STN1: variants seen among roughly 807,000 people sequenced by gnomAD.
The protein encoded by STN1 is CST complex subunit STN1.
A neutral mutation model predicts 45.5 loss-of-function variants in STN1; 29 were observed. The ratio of observed to expected loss-of-function variants is 0.64; its 90% CI spans 0.47 to 0.87. The LOEUF (loss-of-function observed/expected upper bound fraction) is 0.87, where lower values mean the gene tolerates loss of function less well. Among genes scored for constraint, STN1 ranks in the 40% least tolerant of loss-of-function variants. The probability of loss-of-function intolerance (pLI) is 0.00; values close to 1 mark genes in which losing one functional copy is unlikely to be tolerated. For synonymous variants in STN1, 148 were observed against 159.0 expected (o/e 0.93, Z 0.52); for missense variants, 376 against 441.4 (o/e 0.85, Z 1.33).
chr10:103,907,588 G>A (rs576353294), intron 3 of STN1, among the ~76,000 whole-genome samples: 2 of 152,310 alleles, frequency 1.3e-5, no homozygotes, highest in African/African-American at 4.8e-5. Context: ...TGTTTAGAAT[G>A]AGGAAGGATG....
chr10:103,911,773 A>G (rs1843292416), intron 2 of STN1, among the ~76,000 whole-genome samples: 3 of 152,234 alleles, frequency 2.0e-5, no homozygotes, highest in African/African-American at 4.8e-5. Context: ...CACAGCTTCT[A>G]TTCTGTCCAT....
rs1564636057 is a variant in STN1, at chr10:103,914,333, T to TAC, written c.133+3127_133+3128dup. Among the ~76,000 whole-genome samples, 25 of 8,566 alleles carry TAC rather than the reference T, an allele frequency of 2.9e-3. 1 individual carries two copies. Among genetic ancestry groups the TAC allele is most frequent in the East Asian group, 0.038 (1 of 26 alleles). The allele number at this position is 8,566 out of a possible 152,430, so 5.6% of individuals were successfully genotyped here. On this transcript the variant is annotated intron_variant, in intron 2 of 9. Transcript: ENST00000224950. Reference sequence around the variant, plus strand: ...GTATGTTATGAGCTATTATTAAAAATACATATATATATATATATATATATA... The same window carrying TAC: ...GTATGTTATGAGCTATTATTAAAAATACACATATATATATATATATATATATA...
At chr10:103,917,425 T>G in intron 2 of STN1, 37 bp downstream of exon 2, 1 of 1,595,338 alleles carries the variant, frequency 6.3e-7, no homozygotes, top group Non-Finnish European at 8.5e-7. Context: ...GGGTGGCAGA[T>G]GCAGCCCAGG....
At chr10:103,886,205 T>C (rs1845666294) in intron 9 of STN1, among the ~76,000 whole-genome samples, 1 of 152,186 alleles carries the variant, frequency 6.6e-6, no homozygotes, top group Admixed American at 6.5e-5. Context: ...TGGGAGATTT[T>C]TGAAAAGCTA....
At position 103,882,861 on chromosome 10, in the gene STN1, G is replaced by T; in HGVS notation, c.950-20C>A. 1 of 1,601,462 alleles carries T rather than the reference G, an allele frequency of 6.2e-7. No homozygotes were observed. Among genetic ancestry groups the T allele is most frequent in the Non-Finnish European group, 8.5e-7 (1 of 1,172,602 alleles). ...CCATGTCTGCAGGAAAAAGGTAGGT[G>T]GCTGAGTGTGGACACAACTGTCAGG... On this transcript the variant is annotated intron_variant, in intron 9 of 9. Transcript: ENST00000224950.
Position 103,910,604 on chromosome 10 carries a change from C to A in STN1, c.152G>T (p.Gly51Val), listed in dbSNP as rs1275353721. 1 of 1,605,442 alleles carries A rather than the reference C, an allele frequency of 6.2e-7. No individual in the cohort carries two copies. Among genetic ancestry groups the A allele is most frequent in the East Asian group, 2.2e-5 (1 of 44,804 alleles). ...RQVPGVFLYN[G>V]HPIKQVDVLG... is the part of the protein sequence containing the mutation. ...GACATCTACCTGTTTTATTGGATGT[C>A]CATTGTACAAAAATACACCTAAAAT... is the stretch of plus-strand genomic sequence containing the variant. The change falls in exon 3 of 10, where the codon GGA becomes GTA. Residue 51 changes from glycine to valine, a missense_variant. Transcript: ENST00000224950.
Position 103,917,585 on chromosome 10 carries a change from C to T in STN1, c.10G>A (p.Gly4Arg), listed in dbSNP as rs1843342665. Residue 4 changes from glycine to arginine, a missense_variant, in exon 2 of 10, where the codon GGA becomes AGA. By Grantham distance (125) the Gly-to-Arg change is moderately radical (BLOSUM62 -2). Transcript: ENST00000224950. ...GTCTCCTCTTCACACCGGCTGGATC[C>T]AGGCTGCATCAAGAGGCAGGGCTGT... Reference protein sequence around the residue: MQPGSSRCEEETPS... With the variant: MQPRSSRCEEETPS... 1.2e-6 allele frequency: 2 copies of T among 1,613,818 alleles called. No individual in the cohort carries two copies. Among genetic ancestry groups the T allele is most frequent in the Non-Finnish European group, 1.7e-6 (2 of 1,179,808 alleles).
At chr10:103,912,232 A>AT (rs1378348590) in intron 2 of STN1, among the ~76,000 whole-genome samples, 1 of 151,922 alleles carries the variant, frequency 6.6e-6, no homozygotes. Flanking sequence ...AATTTTTAAA[A>AT]TTTTTCATAG....
chr10:103,883,940 A>G (rs964038888), intron 9 of STN1, among the ~76,000 whole-genome samples: 2 of 151,900 alleles, frequency 1.3e-5, no homozygotes, highest in Admixed American at 6.6e-5. Flanking sequence ...AAATACAAAA[A>G]TTAGCCAGGT....
At chr10:103,898,809 C>T in intron 6 of STN1, 68 bp downstream of exon 6, 1 of 1,583,708 alleles carries the variant, frequency 6.3e-7, no homozygotes, top group African/African-American at 1.3e-5. Context: ...CCGATCCCAG[C>T]ATCTGGGCTC....
intron 9 of STN1, among the ~76,000 whole-genome samples, chr10:103,883,743 T>C (rs1295371806): frequency 6.6e-6 from 1 of 152,158 alleles, no homozygotes. Flanking sequence ...TGAGAATTCC[T>C]GACAAACAAC....
rs1843049405 is a variant in STN1 at position 103,879,025 on chromosome 10, A to G, written c.*3659T>C. 1 of 152,326 alleles carries G rather than the reference A, an allele frequency of 6.6e-6. No homozygotes were observed. Among genetic ancestry groups the G allele is most frequent in the Non-Finnish European group, 1.5e-5 (1 of 68,156 alleles). The allele number at this position is 152,326 out of a possible 1,614,324, so 9.4% of individuals were successfully genotyped here. On this transcript the variant is annotated 3_prime_UTR_variant, in exon 10 of 10. Transcript: ENST00000224950. ...TACCTGAGGGCGAGGGAGCTGGGGC[A>G]TTTACAGCCAAGGTGCTGTTGGCTG...
intron 8 of STN1, among the ~76,000 whole-genome samples, chr10:103,890,411 A>ACCTTT (rs1843132368): frequency 6.6e-6 from 1 of 152,230 alleles, no homozygotes; most frequent in Non-Finnish European, 1.5e-5. Context: ...ACTACAAAGC[A>ACCTTT]GTGGAGAGAT....
chr10:103,902,370 T>C (rs1287965354), intron 4 of STN1, among the ~76,000 whole-genome samples: 1 of 152,158 alleles, frequency 6.6e-6, no homozygotes, highest in East Asian at 1.9e-4. Flanking sequence ...ACATTATAGG[T>C]GATAATAAAT....
intron 7 of STN1, among the ~76,000 whole-genome samples, chr10:103,893,908 C>T (rs1220025211): frequency 6.6e-6 from 1 of 152,216 alleles, no homozygotes; most frequent in African/African-American, 2.4e-5. Context: ...AGCCCCCAAA[C>T]CGACAAACAT....
intron 9 of STN1, among the ~76,000 whole-genome samples, chr10:103,883,888 G>A (rs1216742689): frequency 6.6e-6 from 1 of 151,826 alleles, no homozygotes; most frequent in Non-Finnish European, 1.5e-5. Flanking sequence ...TTGGGAGTTC[G>A]AGACCAGCCT....
At chr10:103,896,827 C>T (rs1040144079) in intron 7 of STN1, among the ~76,000 whole-genome samples, 4 of 151,944 alleles carry the variant, frequency 2.6e-5, no homozygotes, top group South Asian at 2.1e-4. Flanking sequence ...TGAGCCACTG[C>T]GCCTGGCCCC....
chr10:103,908,526 T>C (rs1843259138), intron 3 of STN1, among the ~76,000 whole-genome samples: 2 of 152,288 alleles, frequency 1.3e-5, no homozygotes, highest in South Asian at 4.1e-4. Context: ...AGCGGCCACC[T>C]GGCAGATGGC....
chr10:103,885,216 T>G (rs1055125281), intron 9 of STN1, among the ~76,000 whole-genome samples: 41 of 152,202 alleles, frequency 2.7e-4, no homozygotes, highest in African/African-American at 9.7e-4. Context: ...TAGAAAAGCT[T>G]CATCCCTTCC....
Sources: gnomAD v4.1 joint callset for allele counts (sites outside exome capture counted in the v4.1 genomes callset) on GRCh38, gnomAD v4.1.1 for gene constraint, MANE v1.5 for transcripts, NCBI Gene and HGNC (gene_info 2026-07-23, HGNC 2026-07-21) for gene names.